The following IL1RN variants were observed in gnomAD, a reference collection of about 807,000 sequenced individuals.
IL1RN encodes the protein interleukin 1 receptor antagonist, also known as interleukin-1 receptor antagonist protein.
In IL1RN, 10 loss-of-function variants were observed where a neutral mutation model predicts 13.7. The ratio of observed to expected loss-of-function variants is 0.73; its 90% CI spans 0.45 to 1.24. The LOEUF (loss-of-function observed/expected upper bound fraction) is 1.24, where lower values mean the gene tolerates loss of function less well. Ranked by LOEUF, IL1RN falls within the 50% of genes most tolerant of loss-of-function variation. The pLI is 0.00. For missense variants in IL1RN, 213 were observed against 222.1 expected (o/e 0.96, Z 0.26); for synonymous variants, 102 against 82.7 (o/e 1.23, Z -1.27).
upstream of IL1RN, among the ~76,000 whole-genome samples, chr2:113,123,273 A>G (rs1686842439): frequency 6.6e-6 from 1 of 152,238 alleles, no homozygotes; most frequent in Non-Finnish European, 1.5e-5. Flanking sequence ...AGAATGGCCA[A>G]GGCTGTAAGG....
chr2:113,113,840 C>T (rs752891088), upstream of IL1RN, among the ~76,000 whole-genome samples: 74 of 152,352 alleles, frequency 4.9e-4, 1 homozygote, highest in African/African-American at 1.8e-3. Context: ...AAACCTCACA[C>T]ATGCATTACT....
Position 113,133,164 on chromosome 2 carries a change from C to T in IL1RN, c.*293C>T, listed in dbSNP as rs1687235170. ...TCAGGATCAAACCCCGACCACCTGC[C>T]CAACCTGCTCTCCTCTTGCCACTGC... On this transcript the variant is annotated 3_prime_UTR_variant, in exon 4 of 4. Transcript: ENST00000409930. 2.1e-6 allele frequency: 1 copy of T among 478,548 alleles called. No individual in the cohort carries two copies. Among genetic ancestry groups the T allele is most frequent in the Non-Finnish European group, 3.9e-6 (1 of 259,490 alleles). The allele number at this position is 478,548 out of a possible 1,614,324, so 29.6% of individuals were successfully genotyped here. A position where few individuals can be genotyped will look rare whatever the true frequency, so the allele number is the denominator to read the frequency against.
upstream of IL1RN, among the ~76,000 whole-genome samples, chr2:113,126,094 A>G (rs1686947691): frequency 6.6e-6 from 1 of 152,258 alleles, no homozygotes; most frequent in Middle Eastern, 3.4e-3. Flanking sequence ...CACCGTGCCC[A>G]GCCCAGCCAT....
At chr2:113,107,208 C>T (rs915753792), upstream of IL1RN, 3 of 152,142 alleles carry the variant, frequency 2.0e-5, no homozygotes, top group Non-Finnish European at 2.9e-5. Flanking sequence ...ATAGATGAAT[C>T]TACAGATCTC....
upstream of IL1RN, among the ~76,000 whole-genome samples, chr2:113,124,034 T>C (rs1301660654): frequency 6.6e-6 from 1 of 152,142 alleles, no homozygotes; most frequent in Non-Finnish European, 1.5e-5. Context: ...GACAGCCTGG[T>C]TTCCCTATCT....
chr2:113,121,827 T>A (rs1241532601), intron 2 of IL1RN, among the ~76,000 whole-genome samples: 1 of 152,214 alleles, frequency 6.6e-6, no homozygotes, highest in Non-Finnish European at 1.5e-5. Context: ...GAGCTTCTAA[T>A]AAGTTGATGG....
chr2:113,118,072 A>C lies in IL1RN; in HGVS notation c.10+44A>C, dbSNP rs757944480. The C allele has an allele frequency of 5.2e-5, 84 of 1,613,128 alleles. No individual in the cohort carries two copies. In the Admixed American group the frequency reaches 6.2e-4, roughly 12 times the overall value. ...CATTTTTTCACCTGAGAAATGAGAGAGGAAAATGTCTACAATTGGTGTTTA... is the reference window on the plus strand; with the variant it reads ...CATTTTTTCACCTGAGAAATGAGAGCGGAAAATGTCTACAATTGGTGTTTA... On this transcript the variant is annotated intron_variant, in intron 1 of 5. Transcript: ENST00000259206.
upstream of IL1RN, chr2:113,127,590 G>T (rs56046326): frequency 1.2e-6 from 2 of 1,611,072 alleles, no homozygotes; most frequent in Non-Finnish European, 1.7e-6. Flanking sequence ...CTCTGGGCCC[G>T]CAATGGCAGT....
upstream of IL1RN, among the ~76,000 whole-genome samples, chr2:113,108,039 G>A (rs1323549992): frequency 6.6e-6 from 1 of 152,160 alleles, no homozygotes; most frequent in Non-Finnish European, 1.5e-5. Context: ...TTATCTTTCA[G>A]TTCTGTAGGT....
At chr2:113,128,104 A>T (rs1687031021) in intron 1 of IL1RN, among the ~76,000 whole-genome samples, 2 of 152,224 alleles carry the variant, frequency 1.3e-5, no homozygotes. Context: ...GATATGGGCA[A>T]GGCCTGTCTG....
intron 1 of IL1RN, chr2:113,118,102 A>G (rs1686641706): frequency 1.2e-6 from 2 of 1,611,414 alleles, no homozygotes; most frequent in African/African-American, 1.3e-5. Context: ...TGTTTATCAA[A>G]TGCTTTCAGG....
rs2234679 is a variant in IL1RN at position 113,118,007 on chromosome 2, G to C, written c.-12G>C. 377,328 of 1,519,538 alleles carry C rather than the reference G, an allele frequency of 0.25. 50,468 individuals carry two copies. The highest frequency in any genetic ancestry group is 0.31 in the Admixed American group (18,290 of 59,836). The allele number at this position is 1,519,538 out of a possible 1,614,324, so 94.1% of individuals were successfully genotyped here. Reference sequence around the variant, plus strand: ...GACCTCAGAAGACCTCCTGTCCTATGAGGCCCTCCCCATGGCTTTAGGTAA... The same window carrying C: ...GACCTCAGAAGACCTCCTGTCCTATCAGGCCCTCCCCATGGCTTTAGGTAA... On this transcript the variant is annotated 5_prime_UTR_variant, in exon 1 of 6. Transcript: ENST00000259206.
chr2:113,110,980 G>A (rs939099457), upstream of IL1RN: 4 of 152,338 alleles, frequency 2.6e-5, no homozygotes, highest in African/African-American at 9.6e-5. Flanking sequence ...TTATCAAATG[G>A]AAATGTTTGC....
chr2:113,100,842 G>A, the IL1RN span, among the ~76,000 whole-genome samples: 2 of 152,200 alleles, frequency 1.3e-5, no homozygotes, highest in Non-Finnish European at 2.9e-5. Flanking sequence ...GTGGATGGGC[G>A]ATCAGGAAGA....
chr2:113,130,085 T>G (rs1432471127), intron 2 of IL1RN: 3 of 218,790 alleles, frequency 1.4e-5, no homozygotes, highest in Non-Finnish European at 2.8e-5. Flanking sequence ...TCAGCCATAT[T>G]CTGGTCCACA....
chr2:113,121,335 C>A, intron 2 of IL1RN: 1 of 419,238 alleles, frequency 2.4e-6, no homozygotes, highest in Non-Finnish European at 3.2e-6. Flanking sequence ...GTTATGTGGA[C>A]AAAAGGAGAT....
chr2:113,124,928 T>C (rs1686904596), upstream of IL1RN, among the ~76,000 whole-genome samples: 1 of 152,162 alleles, frequency 6.6e-6, no homozygotes, highest in South Asian at 2.1e-4. Context: ...CGAGCGTCTT[T>C]TCTCCAGGAG....
At chr2:113,129,487 G>C (rs1687081972) in intron 1 of IL1RN, 89 bp from the exon 2 acceptor site, 1 of 833,854 alleles carries the variant, frequency 1.2e-6, no homozygotes, top group African/African-American at 1.7e-5. Flanking sequence ...ATGCAAATTT[G>C]ACAAGTTCTG....
At chr2:113,127,355 C>T (rs1686997589), upstream of IL1RN, 2 of 593,186 alleles carry the variant, frequency 3.4e-6, no homozygotes, top group Middle Eastern at 8.7e-4. Flanking sequence ...TTCCCAGGAA[C>T]TCAATGAAGG....
Sources: allele counts gnomAD v4.1 joint callset (sites outside exome capture counted in the v4.1 genomes callset), GRCh38; gene constraint gnomAD v4.1.1; transcripts MANE v1.5; gene names NCBI Gene and HGNC (gene_info 2026-07-23, HGNC 2026-07-21).